CHD7: variants seen among roughly 807,000 people sequenced by gnomAD.
CHD7 encodes the protein ATP-dependent chromatin remodeler CHD7.
In CHD7, 24 loss-of-function variants were observed where a neutral mutation model predicts 307.3. That is an observed-to-expected ratio of 0.08 (90% CI 0.06 to 0.11). The LOEUF is 0.11. Ranked by LOEUF, CHD7 falls within the 10% of genes least tolerant of loss-of-function variation. The pLI is 1.00. For missense variants in CHD7, 3,106 were observed against 3,727.1 expected (o/e 0.83, Z 4.34); for synonymous variants, 1,363 against 1,349.9 (o/e 1.01, Z -0.21).
rs753270420 is a variant in CHD7, at chr8:60,741,670, A to G, written c.238A>G (p.Met80Val). Reference protein sequence around the residue: ...DHYNQYEQQKMHLMDQPNRMM... With the variant: ...DHYNQYEQQKVHLMDQPNRMM... Reference sequence around the variant, plus strand: ...CTATAATCAGTATGAACAACAAAAGATGCATCTGATGGATCAGCCGAACAG... The same window carrying G: ...CTATAATCAGTATGAACAACAAAAGGTGCATCTGATGGATCAGCCGAACAG... The change falls in exon 2 of 38, where the codon ATG becomes GTG. Residue 80 changes from methionine (M) to valine (V), a missense_variant. Physicochemically the swap from Met to Val is conservative, Grantham distance 21. Around this residue, in one of 10 missense-constraint regions of CHD7, gnomAD observed 998 missense variants for 1,004.5 expected, o/e 0.99. Coordinates refer to ENST00000423902, the MANE Select transcript of CHD7 (RefSeq NM_017780.4). 5 of 1,613,880 alleles carry G rather than the reference A, an allele frequency of 3.1e-6. No individual in the cohort carries two copies. The African/African-American group carries it at 5.3e-5, about 17-fold the overall frequency.
chr8:60,688,258 T>G (rs181589923), intron 1 of CHD7, among the ~76,000 whole-genome samples: 2 of 152,322 alleles, frequency 1.3e-5, no homozygotes, highest in East Asian at 3.9e-4. Context: ...ACATAATACA[T>G]TCTCCTAACT....
chr8:60,865,499 A>G lies in CHD7; in HGVS notation c.8560A>G (p.Asn2854Asp). 1 of 1,614,054 alleles carries G rather than the reference A, an allele frequency of 6.2e-7. No homozygotes were observed. The highest frequency in any genetic ancestry group is 8.5e-7 in the Non-Finnish European group (1 of 1,179,884). ...EEKGNENEDENKDSEKSTDAV... is the reference protein window; with the variant it reads ...EEKGNENEDEDKDSEKSTDAV... ...GAAAGGAAATGAGAATGAAGACGAG[A>G]ACAAAGACTCTGAGAAAAGCACAGA... is the stretch of plus-strand genomic sequence containing the variant. The change falls in exon 38 of 38, where the codon AAC (asparagine) becomes GAC (aspartate). Residue 2854 changes from asparagine (N) to aspartate (D), a missense_variant. This residue lies in a region of CHD7 where 351 missense variants were observed against 366.2 expected (regional missense o/e 0.96). Coordinates refer to ENST00000423902, the MANE Select transcript of CHD7 (RefSeq NM_017780.4). This position sits in a 1 kb window ranked among gnomAD's most constrained non-coding sequence, Gnocchi z 4.3.
At chr8:60,859,755 C>T (rs1010240614) in intron 34 of CHD7, among the ~76,000 whole-genome samples, 8 of 152,128 alleles carry the variant, frequency 5.3e-5, no homozygotes, top group Admixed American at 5.2e-4. Flanking sequence ...TGAGCTTCAG[C>T]AGAGATGAGC....
chr8:60,732,071 G>A (rs1304599502), intron 1 of CHD7, among the ~76,000 whole-genome samples: 1 of 152,196 alleles, frequency 6.6e-6, no homozygotes, highest in East Asian at 1.9e-4. Flanking sequence ...ATTCTTTTCA[G>A]TTGTGATGTT....
chr8:60,863,133 T>C (rs1037448263), intron 37 of CHD7: 5 of 154,958 alleles, frequency 3.2e-5, no homozygotes, highest in African/African-American at 4.8e-5. Context: ...AAAATGTCTT[T>C]CGGTGTAACA....
Position 60,820,256 on chromosome 8 carries a change from TTAA to T in CHD7, c.2697+172_2697+174del, listed in dbSNP as rs142017079. On this transcript the variant is annotated intron_variant, in intron 9 of 37. Coordinates refer to ENST00000423902, the MANE Select transcript of CHD7 (RefSeq NM_017780.4). ...AATGATTTATTATTAGTTTTATGAC[TTAA>T]TAATAGTGCTAAATATGTTTTATGT... 0.012 allele frequency among the ~76,000 whole-genome samples: 1,858 copies of T among 152,328 alleles called. 37 individuals are homozygous for T. The highest frequency in any genetic ancestry group is 0.042 in the African/African-American group (1,757 of 41,566).
At chr8:60,808,357 A>G (rs1812635469) in intron 7 of CHD7, 85 bp downstream of exon 7, 1 of 854,420 alleles carries the variant, frequency 1.2e-6, no homozygotes, top group African/African-American at 1.7e-5. Context: ...TTGGGAAATT[A>G]AGAAACTTTG....
At chr8:60,780,252 T>A (rs1811142928) in intron 2 of CHD7, among the ~76,000 whole-genome samples, 1 of 152,176 alleles carries the variant, frequency 6.6e-6, no homozygotes, top group Admixed American at 6.5e-5. Flanking sequence ...TTTAAGATAG[T>A]CTCTGGGTGT....
Position 60,741,950 on chromosome 8 carries a change from C to T in CHD7, c.518C>T (p.Ala173Val), listed in dbSNP as rs759229667. The stretch of plus-strand genomic sequence containing the variant: ...CCACAGCCGCAGCCACCGCAGCCGG[C>T]TCCGTCGGGGCCCCCTGCACAGGGC... ...QQPQPQPPQP[A>V]PSGPPAQGHP... Residue 173 changes from alanine to valine, a missense_variant, in exon 2 of 38, where the codon GCT (alanine) becomes GTT (valine). Physicochemically the swap from Ala to Val is moderately conservative, Grantham distance 64 (BLOSUM62 0). Coordinates refer to ENST00000423902, the MANE Select transcript of CHD7 (RefSeq NM_017780.4). The T allele has an allele frequency of 1.2e-6, 2 of 1,613,638 alleles. No individual in the cohort carries two copies. The highest frequency in any genetic ancestry group is 1.7e-5 in the Admixed American group (1 of 59,968).
intron 2 of CHD7, among the ~76,000 whole-genome samples, chr8:60,748,733 T>A (rs1338260213): frequency 6.6e-6 from 1 of 152,188 alleles, no homozygotes; most frequent in East Asian, 1.9e-4. Flanking sequence ...TGGATTATGC[T>A]CTTAAATGGA....
Position 60,865,729 on chromosome 8 carries a change from C to T in CHD7, c.8790C>T (p.Ala2930=), listed in dbSNP as rs61736186. The T allele has an allele frequency of 4.4e-4, 707 of 1,611,432 alleles. No individual in the cohort carries two copies. In the African/African-American group the frequency reaches 8.4e-3, roughly 19 times the overall value. Residue 2930 remains alanine (A), a synonymous_variant, in exon 38 of 38, where the codon GCC becomes GCT. Transcript: ENST00000423902. This position sits in a 1 kb window ranked among gnomAD's most constrained non-coding sequence, Gnocchi z 4.3. ...GFPALAGLQN[A]VGSSEEKAAD... is the part of the protein sequence containing the mutation. Reference sequence around the variant, plus strand: ...CAGCATTGGCAGGACTTCAGAATGCCGTGGGCTCCAGCGAAGAAAAGGCTG... The same window carrying T: ...CAGCATTGGCAGGACTTCAGAATGCTGTGGGCTCCAGCGAAGAAAAGGCTG...
chr8:60,826,225 C>T lies in CHD7; in HGVS notation c.3378+2209C>T, dbSNP rs577396997. Among the ~76,000 whole-genome samples, 3 of 152,266 alleles carry T rather than the reference C, an allele frequency of 2.0e-5. No homozygotes were observed. In the South Asian group the frequency reaches 6.2e-4, roughly 32 times the overall value. ...ACCAGTCCTGGGTGTCCTGACCTTC[C>T]CCAAGGACTTATAACCTGTACTCAT... On this transcript the variant is annotated intron_variant, in intron 13 of 37. Transcript: ENST00000423902.
In CHD7 at chr8:60,830,287, C is replaced by G. The variant is rs41272442; in HGVS notation, c.3523-35C>G. 27,534 of 1,577,700 alleles carry G rather than the reference C, an allele frequency of 0.017. 1,345 individuals carry two copies. In the African/African-American group the frequency reaches 0.18, roughly 10 times the overall value. ...AATATGTTTTAACTTGCAAGCAAAT[C>G]ATGACACTAGTATTTACTTAAGGTC... On this transcript the variant is annotated intron_variant, in intron 14 of 37. Transcript: ENST00000423902.
chr8:60,714,078 G>A (rs11775641), intron 1 of CHD7, among the ~76,000 whole-genome samples: 2 of 151,164 alleles, frequency 1.3e-5, no homozygotes, highest in African/African-American at 2.4e-5. Context: ...CTGGGGCAGA[G>A]CCAGGCCTCG....
intron 2 of CHD7, among the ~76,000 whole-genome samples, chr8:60,776,615 G>A (rs566521264): frequency 6.6e-6 from 1 of 152,156 alleles, no homozygotes; most frequent in Non-Finnish European, 1.5e-5. Context: ...TGGCTGCCTT[G>A]TTTACTGTTA....
intron 1 of CHD7, among the ~76,000 whole-genome samples, chr8:60,719,229 T>G (rs1458057632): frequency 6.6e-6 from 1 of 152,180 alleles, no homozygotes; most frequent in African/African-American, 2.4e-5. Context: ...GTAGGAAACT[T>G]TGGAGATTGG....
chr8:60,682,683 A>G (rs1805690881), intron 1 of CHD7, among the ~76,000 whole-genome samples: 1 of 152,228 alleles, frequency 6.6e-6, no homozygotes, highest in Non-Finnish European at 1.5e-5. Context: ...AATAGAGAGC[A>G]GTTCTATAGG....
At chr8:60,731,098 C>A (rs1168362781) in intron 1 of CHD7, among the ~76,000 whole-genome samples, 1 of 152,134 alleles carries the variant, frequency 6.6e-6, no homozygotes, top group Non-Finnish European at 1.5e-5. Context: ...TGCTTGTGTT[C>A]CAGTCACCCT....
intron 2 of CHD7, among the ~76,000 whole-genome samples, chr8:60,744,478 A>ATTT (rs569101482): frequency 1.5e-5 from 1 of 66,686 alleles, no homozygotes; most frequent in South Asian, 7.4e-4. Flanking sequence ...TCAGAGCAGC[A>ATTT]TTTTTTTTTT....
Sources: allele counts gnomAD v4.1 joint callset (sites outside exome capture counted in the v4.1 genomes callset), GRCh38; gene constraint gnomAD v4.1.1; regional missense constraint gnomAD v4.1.1; non-coding constraint Gnocchi (gnomAD v3.1); transcripts MANE v1.5; gene names NCBI Gene and HGNC (gene_info 2026-07-23, HGNC 2026-07-21).